The following ADAMTSL1 variants were observed in gnomAD, a reference collection of about 807,000 sequenced individuals.
The protein encoded by ADAMTSL1 is ADAMTS like 1.
Under a neutral mutation model 201.8 loss-of-function variants are expected in ADAMTSL1, and 126 were observed. That is an observed-to-expected ratio of 0.62 (90% CI 0.54 to 0.72). The LOEUF is 0.72. Among genes scored for constraint, ADAMTSL1 ranks in the 30% least tolerant of loss-of-function variants. The pLI, the probability that ADAMTSL1 is intolerant of heterozygous loss-of-function variation, is 0.00. For missense variants in ADAMTSL1, 2,679 were observed against 2,277.8 expected (o/e 1.18, Z -3.59); for synonymous variants, 1,121 against 903.4 (o/e 1.24, Z -4.32).
intron 3 of ADAMTSL1, among the ~76,000 whole-genome samples, chr9:18,559,223 ATGGCTAGCC>A (rs1242508360): frequency 1.3e-5 from 2 of 152,146 alleles, no homozygotes; most frequent in African/African-American, 4.8e-5. Context: ...TTTTCTGCAT[ATGGCTAGCC>A]TGTTTTCCCA....
intron 1 of ADAMTSL1, among the ~76,000 whole-genome samples, chr9:18,160,799 C>T (rs1166870181): frequency 6.6e-6 from 1 of 151,378 alleles, no homozygotes; most frequent in Admixed American, 6.6e-5. Flanking sequence ...CCCACCTCAT[C>T]CTCCTGAGTA....
intron 2 of ADAMTSL1, among the ~76,000 whole-genome samples, chr9:18,264,317 G>T (rs35903515): frequency 0.052 from 7,817 of 151,760 alleles, 267 homozygotes; most frequent in Middle Eastern, 0.1. Context: ...TCTCTTAATC[G>T]ATCCTTAACT....
chr9:17,986,450 A>G (rs528364295), intron 1 of ADAMTSL1, among the ~76,000 whole-genome samples: 60 of 152,190 alleles, frequency 3.9e-4, no homozygotes, highest in African/African-American at 1.4e-3. Flanking sequence ...AGTGGCAGAC[A>G]TGGTGGAAGA....
intron 2 of ADAMTSL1, among the ~76,000 whole-genome samples, chr9:18,203,872 A>G (rs569267447): frequency 6.6e-6 from 1 of 152,234 alleles, no homozygotes; most frequent in Non-Finnish European, 1.5e-5. Flanking sequence ...ATTTTGTCCT[A>G]CATTTCAGTG....
chr9:18,041,346 A>G (rs1488008146), intron 1 of ADAMTSL1, among the ~76,000 whole-genome samples: 2 of 152,200 alleles, frequency 1.3e-5, no homozygotes, highest in African/African-American at 2.4e-5. Flanking sequence ...TAAATATTTA[A>G]TGGTGCTAGT....
chr9:17,963,905 G>T lies in ADAMTSL1; in HGVS notation c.87+56983G>T, dbSNP rs1404310702. 9.2e-5 allele frequency among the ~76,000 whole-genome samples: 14 copies of T among 152,024 alleles called. No individual in the cohort carries two copies. In the East Asian group the frequency reaches 2.7e-3, roughly 29 times the overall value. ...AGTGACAGCTGGAATCGTCCTGCTG[G>T]CTCTCACTTTCCAATTCTCCTCAAT... On this transcript the variant is annotated intron_variant, in intron 1 of 29. Transcript: ENST00000680146.
chr9:18,034,020 C>T (rs759072442), intron 1 of ADAMTSL1, among the ~76,000 whole-genome samples: 48 of 152,194 alleles, frequency 3.2e-4, no homozygotes, highest in Non-Finnish European at 1.2e-4. Context: ...AAATCAAAGT[C>T]AGCAGCTCTT....
intron 1 of ADAMTSL1, among the ~76,000 whole-genome samples, chr9:18,154,822 A>G (rs140151573): frequency 9.9e-4 from 151 of 152,222 alleles, no homozygotes; most frequent in African/African-American, 3.3e-3. Context: ...CTTGCTATGC[A>G]TTAAGTAGAA....
chr9:17,985,349 A>C (rs1818881145), intron 1 of ADAMTSL1, among the ~76,000 whole-genome samples: 1 of 152,174 alleles, frequency 6.6e-6, no homozygotes, highest in Non-Finnish European at 1.5e-5. Context: ...AAATGTTAAA[A>C]TGTTAAAACA....
chr9:17,951,156 G>A (rs921109866), intron 1 of ADAMTSL1, among the ~76,000 whole-genome samples: 1 of 152,176 alleles, frequency 6.6e-6, no homozygotes, highest in African/African-American at 2.4e-5. Context: ...AGGGGGCAAG[G>A]GAGTCCTTAG....
intron 1 of ADAMTSL1, among the ~76,000 whole-genome samples, chr9:18,130,620 G>A (rs570717268): frequency 2.0e-4 from 31 of 152,248 alleles, no homozygotes; most frequent in Non-Finnish European, 4.3e-4. Context: ...AAAAGACACG[G>A]ATTATGTCTT....
At chr9:18,113,221 G>T (rs10810903) in intron 1 of ADAMTSL1, among the ~76,000 whole-genome samples, 41,648 of 151,960 alleles carry the variant, frequency 0.27, 5,786 homozygotes, top group Non-Finnish European at 0.29. Flanking sequence ...GGAAGACCTG[G>T]TAGGCCATGT....
At chr9:18,613,103 T>TG (rs1293940367) in intron 4 of ADAMTSL1, among the ~76,000 whole-genome samples, 1 of 151,916 alleles carries the variant, frequency 6.6e-6, no homozygotes, top group Admixed American at 6.6e-5. Context: ...AAAGAGCATA[T>TG]GGAAAAAAAG....
chr9:18,242,449 A>C (rs1330163482), intron 2 of ADAMTSL1, among the ~76,000 whole-genome samples: 1 of 152,194 alleles, frequency 6.6e-6, no homozygotes, highest in Admixed American at 6.5e-5. Context: ...AAGATCCAGT[A>C]TGAAGCCAGG....
At chr9:18,372,471 T>C (rs541660139) in intron 2 of ADAMTSL1, among the ~76,000 whole-genome samples, 1 of 152,268 alleles carries the variant, frequency 6.6e-6, no homozygotes, top group African/African-American at 2.4e-5. Context: ...CTACATTTCA[T>C]AGCAGATCAA....
intron 1 of ADAMTSL1, among the ~76,000 whole-genome samples, chr9:17,946,845 G>GT (rs1827507394): frequency 6.6e-6 from 1 of 152,072 alleles, no homozygotes; most frequent in Non-Finnish European, 1.5e-5. Context: ...AAACTTAAGT[G>GT]TTTTGGCATT....
intron 9 of ADAMTSL1, among the ~76,000 whole-genome samples, chr9:18,671,902 C>T (rs776767): frequency 0.32 from 48,746 of 151,606 alleles, 8,097 homozygotes; most frequent in African/African-American, 0.39. Flanking sequence ...CCGGGCGTGG[C>T]GGCGGGCGCC....
At chr9:18,117,338 C>T (rs1447587318) in intron 1 of ADAMTSL1, among the ~76,000 whole-genome samples, 1 of 152,106 alleles carries the variant, frequency 6.6e-6, no homozygotes, top group Non-Finnish European at 1.5e-5. Flanking sequence ...GCCCTCGTTA[C>T]TTTCTCTCCT....
intron 1 of ADAMTSL1, among the ~76,000 whole-genome samples, chr9:18,003,619 A>T (rs1819698825): frequency 6.6e-6 from 1 of 152,006 alleles, no homozygotes; most frequent in African/African-American, 2.4e-5. Context: ...CTTTGCTTCT[A>T]CTCTTGTAGC....
Sources: gnomAD v4.1 joint callset for allele counts (sites outside exome capture counted in the v4.1 genomes callset) on GRCh38, gnomAD v4.1.1 for gene constraint, MANE v1.5 for transcripts, NCBI Gene and HGNC (gene_info 2026-07-23, HGNC 2026-07-21) for gene names.